Variants in KANSL3 observed in about 807,000 individuals in gnomAD.
The protein encoded by KANSL3 is NSL complex protein NSL3.
Under a neutral mutation model 89.2 loss-of-function variants are expected in KANSL3, and 16 were observed. The ratio of observed to expected loss-of-function variants is 0.18; its 90% CI spans 0.12 to 0.27. The LOEUF is 0.27. Ranked by LOEUF, KANSL3 falls within the 10% of genes least tolerant of loss-of-function variation. KANSL3 has a pLI of 1.00. For synonymous variants in KANSL3, 385 were observed against 419.7 expected (o/e 0.92, Z 1.01); for missense variants, 879 against 1,110.6 (o/e 0.79, Z 2.96).
chr2:96,610,642 G>T, intron 11 of KANSL3, 84 bp downstream of exon 11: 1 of 1,495,864 alleles, frequency 6.7e-7, no homozygotes, highest in Non-Finnish European at 9.2e-7. Context: ...GAACCAGACT[G>T]GTCTGTAGTT....
At chr2:96,604,650 A>T (rs2067698264) in intron 16 of KANSL3, 129 bp downstream of exon 16, 1 of 886,072 alleles carries the variant, frequency 1.1e-6, no homozygotes. Flanking sequence ...AAAGATCCCA[A>T]TCAGAAGTAA....
rs745726151 is a variant in KANSL3, at chr2:96,604,345, G to A, written c.2054C>T (p.Pro685Leu). The A allele has an allele frequency of 1.9e-6, 3 of 1,612,962 alleles. No individual in the cohort carries two copies. Among genetic ancestry groups the A allele is most frequent in the Admixed American group, 3.3e-5 (2 of 60,032 alleles). ...SSSEGGVSAS[P>L]VPSVVSSSTA... ...GCTGCTGGAGACCACTGAAGGGACT[G>A]GGCTGGCTGAGACTCCACCTTCAGA... The change falls in exon 17 of 21, where the codon CCA becomes CTA. Residue 685 changes from proline (P) to leucine (L), a missense_variant. Pro to Leu is a moderately conservative substitution (Grantham distance 98). This residue lies in a region of KANSL3 where 317 missense variants were observed against 311.2 expected (regional missense o/e 1.02). Transcript: ENST00000431828.
At chr2:96,586,783 C>T in the KANSL3 span, among the ~76,000 whole-genome samples, 1 of 152,216 alleles carries the variant, frequency 6.6e-6, no homozygotes, top group East Asian at 1.9e-4. Flanking sequence ...TGTTCTACTG[C>T]TTCTACTTCT....
chr2:96,581,747 T>C, the KANSL3 span, among the ~76,000 whole-genome samples: 1 of 152,228 alleles, frequency 6.6e-6, no homozygotes, highest in African/African-American at 2.4e-5. Flanking sequence ...TACTTCTAAA[T>C]GTTTCTTTCA....
chr2:96,612,828 C>A lies in KANSL3; in HGVS notation c.902G>T (p.Cys301Phe), dbSNP rs376584070. The change falls in exon 7 of 21, where the codon TGC (cysteine) becomes TTC (phenylalanine). Residue 301 changes from cysteine (C) to phenylalanine (F), a missense_variant. By Grantham distance (205) the Cys-to-Phe change is radical. This residue lies in a region of KANSL3 where 198 missense variants were observed against 260.3 expected (regional missense o/e 0.76). Coordinates refer to ENST00000431828, the MANE Select transcript of KANSL3 (RefSeq NM_001115016.3). ...RHRFWQSQLS[C>F]LGKVIPVATH... ...TGCCCCCACACATACCTTGCCCAAG[C>A]AGGACAGCTGAGATTGCCAGAAGCG... is the stretch of plus-strand genomic sequence containing the variant. The A allele has an allele frequency of 2.3e-5, 36 of 1,561,992 alleles. No homozygotes were observed. Among genetic ancestry groups the A allele is most frequent in the Non-Finnish European group, 3.1e-5 (36 of 1,152,928 alleles).
chr2:96,610,205 T>G (rs1050733813), intron 11 of KANSL3: 2 of 152,806 alleles, frequency 1.3e-5, no homozygotes, highest in African/African-American at 4.8e-5. Flanking sequence ...TGTTTAACAT[T>G]TAGAAAATCA....
chr2:96,613,468 T>C lies in KANSL3; in HGVS notation c.795+20A>G. On this transcript the variant is annotated intron_variant, in intron 6 of 20. Transcript: ENST00000431828. Reference sequence around the variant, plus strand: ...AAAATTTTTATGTACCATTGTTAAGTCCTGAGCCATCCAACTTACTGGTTT... The same window carrying C: ...AAAATTTTTATGTACCATTGTTAAGCCCTGAGCCATCCAACTTACTGGTTT... 1 of 1,611,660 alleles carries C rather than the reference T, an allele frequency of 6.2e-7. No individual in the cohort carries two copies. The highest frequency in any genetic ancestry group is 1.1e-5 in the South Asian group (1 of 90,982).
At chr2:96,584,441 C>T in the KANSL3 span, among the ~76,000 whole-genome samples, 4 of 152,298 alleles carry the variant, frequency 2.6e-5, no homozygotes, top group African/African-American at 9.6e-5. Flanking sequence ...CACCTCAAAA[C>T]ATTTCTCATT....
downstream of KANSL3, among the ~76,000 whole-genome samples, chr2:96,592,627 A>G (rs1341924265): frequency 6.6e-6 from 1 of 152,194 alleles, no homozygotes; most frequent in East Asian, 1.9e-4. Context: ...AAAGACACTG[A>G]CATCAGACTG....
downstream of KANSL3, among the ~76,000 whole-genome samples, chr2:96,590,741 T>C (rs1035582077): frequency 3.3e-5 from 5 of 151,214 alleles, no homozygotes. Flanking sequence ...CCCAGCACTT[T>C]GGGAGGCCGA....
intron 20 of KANSL3, 145 bp downstream of exon 20, chr2:96,601,498 G>T (rs1159833988): frequency 2.1e-6 from 3 of 1,402,398 alleles, no homozygotes; most frequent in Non-Finnish European, 1.9e-6. Context: ...ATATTATAAA[G>T]CCACAAACTC....
rs1418695051 is a variant in KANSL3, at chr2:96,637,124, C to G, written c.12G>C (p.Arg4=). ...AAGTCTGGAAGTCCCTCTCCCCACC[C>G]CGGTGGGCCATGTCAGTGGAGGGGC... MAH[R]GGERDFQTSA... Residue 4 remains arginine (R), a synonymous_variant, in exon 2 of 21, where the codon CGG becomes CGC. Coordinates refer to ENST00000431828, the MANE Select transcript of KANSL3 (RefSeq NM_001115016.3). 1.3e-6 allele frequency: 2 copies of G among 1,550,260 alleles called. No individual in the cohort carries two copies. The highest frequency in any genetic ancestry group is 1.2e-5 in the South Asian group (1 of 84,022).
chr2:96,601,892 A>G, intron 19 of KANSL3, 116 bp from the exon 20 acceptor site: 1 of 1,427,988 alleles, frequency 7.0e-7, no homozygotes, highest in Non-Finnish European at 9.2e-7. Context: ...CCTCCTCCCC[A>G]GCTGGGTCAT....
At chr2:96,628,230 T>C (rs1558769290) in intron 3 of KANSL3, 1 of 1,231,162 alleles carries the variant, frequency 8.1e-7, no homozygotes, top group Non-Finnish European at 1.0e-6. Flanking sequence ...GCCTCCTGTG[T>C]AGACTCTCCA....
the KANSL3 span, among the ~76,000 whole-genome samples, chr2:96,584,217 C>T: frequency 8.5e-5 from 13 of 152,218 alleles, no homozygotes; most frequent in African/African-American, 1.7e-4. Context: ...AGTGGTGACT[C>T]ATGGTGCCCT....
At chr2:96,602,695 T>C in intron 18 of KANSL3, 58 bp downstream of exon 18, 1 of 1,411,028 alleles carries the variant, frequency 7.1e-7, no homozygotes, top group African/African-American at 1.4e-5. Flanking sequence ...CAAAACCAAC[T>C]AAGCTGAGGA....
intron 2 of KANSL3, among the ~76,000 whole-genome samples, chr2:96,632,676 G>A (rs2073603886): frequency 6.6e-6 from 1 of 152,126 alleles, no homozygotes; most frequent in South Asian, 2.1e-4. Context: ...TGGCTAACAA[G>A]TTGATTGCCT....
At position 96,619,778 on chromosome 2, in the gene KANSL3, T is replaced by A; in HGVS notation, c.387-16A>T. The A allele has an allele frequency of 6.5e-7, 1 of 1,545,656 alleles. No homozygotes were observed. Among genetic ancestry groups the A allele is most frequent in the South Asian group, 1.2e-5 (1 of 83,922 alleles). ...CCAGCCAGTCCTATAAGGGAAACTC[T>A]GAGGAATTATAGTCAAACCCTGGGG... is the stretch of plus-strand genomic sequence containing the variant. On this transcript the variant is annotated splice_polypyrimidine_tract_variant and intron_variant, in intron 3 of 20. Coordinates refer to ENST00000431828, the MANE Select transcript of KANSL3 (RefSeq NM_001115016.3).
chr2:96,613,053 T>C lies in KANSL3; in HGVS notation c.796-119A>G, dbSNP rs935379382. The C allele has an allele frequency of 1.3e-5, 9 of 702,824 alleles. No individual in the cohort carries two copies. The East Asian group carries it at 2.5e-4, about 19-fold the overall frequency. The allele number at this position is 702,824 out of a possible 1,614,324, so 43.5% of individuals were successfully genotyped here. A position where few individuals can be genotyped will look rare whatever the true frequency, so the allele number is the denominator to read the frequency against. On this transcript the variant is annotated intron_variant, in intron 6 of 20. Coordinates refer to ENST00000431828, the MANE Select transcript of KANSL3 (RefSeq NM_001115016.3). ...TGCTCCTTTGCTTGTGAAATTATGTTAAGCACTATGTAAAATAAATTATTA... is the reference window on the plus strand; with the variant it reads ...TGCTCCTTTGCTTGTGAAATTATGTCAAGCACTATGTAAAATAAATTATTA...
Sources: allele counts gnomAD v4.1 joint callset (sites outside exome capture counted in the v4.1 genomes callset), GRCh38; gene constraint gnomAD v4.1.1; regional missense constraint gnomAD v4.1.1; transcripts MANE v1.5; gene names NCBI Gene and HGNC (gene_info 2026-07-23, HGNC 2026-07-21).